The following PIK3R2 variants were observed in gnomAD, a reference collection of about 807,000 sequenced individuals.
The protein encoded by PIK3R2 is phosphoinositide-3-kinase regulatory subunit 2.
A neutral mutation model predicts 78.5 loss-of-function variants in PIK3R2; 40 were observed. The observed-to-expected ratio is 0.51, with a 90% CI of 0.40 to 0.66. PIK3R2 has a LOEUF of 0.66. Ranked by LOEUF, PIK3R2 falls within the 30% of genes least tolerant of loss-of-function variation. PIK3R2 has a pLI of 0.00. For missense variants in PIK3R2, 880 were observed against 1,026.6 expected (o/e 0.86, Z 1.95); for synonymous variants, 473 against 457.7 (o/e 1.03, Z -0.43).
intron 2 of PIK3R2, among the ~76,000 whole-genome samples, chr19:18,157,399 C>G (rs1201067199): frequency 6.6e-6 from 1 of 152,230 alleles, no homozygotes. Flanking sequence ...GCCCCACCCT[C>G]TGAATCTTCC....
chr19:18,160,661 G>A (rs1475081586), intron 3 of PIK3R2, 98 bp downstream of exon 3: 9 of 1,036,552 alleles, frequency 8.7e-6, no homozygotes, highest in African/African-American at 1.6e-5. Context: ...CATGCTGCAC[G>A]GAAACAGGCT....
At chr19:18,164,222 G>T (rs2043783713) in intron 11 of PIK3R2, among the ~76,000 whole-genome samples, 1 of 152,222 alleles carries the variant, frequency 6.6e-6, no homozygotes, top group Admixed American at 6.6e-5. Flanking sequence ...CCTCACAGGA[G>T]TGGCTGAGCC....
Position 18,162,255 on chromosome 19 carries a change from G to A in PIK3R2, c.955G>A (p.Gly319Arg). 2 of 1,611,584 alleles carry A rather than the reference G, an allele frequency of 1.2e-6. No homozygotes were observed. The highest frequency in any genetic ancestry group is 1.7e-6 in the Non-Finnish European group (2 of 1,178,114). The change falls in exon 8 of 16, where the codon GGA becomes AGA. Residue 319 changes from glycine to arginine, a missense_variant. Gly to Arg is a moderately radical substitution (Grantham distance 125). Around this residue, in one of 3 missense-constraint regions of PIK3R2, gnomAD observed 456 missense variants for 486.6 expected, o/e 0.94. Transcript: ENST00000222254. ...AKPASTVLAN[G>R]GSPPSLQDAE... ...GCCGGCCTCCACAGTCCTGGCCAAT[G>A]GAGGGAGCCCACCCTCCCTGCAGGA...
rs528363425 is a variant in PIK3R2 at position 18,157,830 on chromosome 19, C to T, written c.322+1629C>T. ...TCACTCAGGGAGGCCCCGCAGGCCCCGGCTTGCCCCTGCTGTGTGCCAGGG... is the reference window on the plus strand; with the variant it reads ...TCACTCAGGGAGGCCCCGCAGGCCCTGGCTTGCCCCTGCTGTGTGCCAGGG... On this transcript the variant is annotated intron_variant, in intron 2 of 15. Coordinates refer to ENST00000222254, the MANE Select transcript of PIK3R2 (RefSeq NM_005027.4). 4.6e-5 allele frequency among the ~76,000 whole-genome samples: 7 copies of T among 152,170 alleles called. No homozygotes were observed. The South Asian group carries it at 8.3e-4, about 18-fold the overall frequency.
intron 12 of PIK3R2, 118 bp downstream of exon 12, chr19:18,166,420 T>C (rs747176827): frequency 5.9e-6 from 5 of 841,048 alleles, no homozygotes; most frequent in Non-Finnish European, 9.4e-6. Flanking sequence ...TCTGTTGAAA[T>C]GGACTTTGGG....
chr19:18,165,092 A>G (rs1381164803), intron 11 of PIK3R2, among the ~76,000 whole-genome samples: 1 of 150,620 alleles, frequency 6.6e-6, no homozygotes, highest in Non-Finnish European at 1.5e-5. Flanking sequence ...TAGCCGAGCC[A>G]GGCACAATGG....
chr19:18,159,158 T>TTTTTTTTTTTTTTTTTC (rs2043713766), intron 2 of PIK3R2, among the ~76,000 whole-genome samples: 1 of 138,588 alleles, frequency 7.2e-6, no homozygotes, highest in Non-Finnish European at 1.6e-5. Context: ...TTTTTTTTTT[T>TTTTTTTTTTTTTTTTTC]TTTTTAAATT....
rs2147951401 is a variant in PIK3R2, at chr19:18,161,945, C to T, written c.816-21C>T. 1 of 1,610,006 alleles carries T rather than the reference C, an allele frequency of 6.2e-7. No individual in the cohort carries two copies. Among genetic ancestry groups the T allele is most frequent in the Non-Finnish European group, 8.5e-7 (1 of 1,176,450 alleles). ...CGGACAGGCCCTACCCAGCCCTCAC[C>T]ACACTCCCCTTCCCCCTAAGGAGTG... On this transcript the variant is annotated intron_variant, in intron 6 of 15. Coordinates refer to ENST00000222254, the MANE Select transcript of PIK3R2 (RefSeq NM_005027.4). The surrounding 1 kb of genome is among the most constrained non-coding windows in gnomAD (Gnocchi z 5.3).
At chr19:18,162,843 T>A (rs1235492198) in intron 9 of PIK3R2, 124 bp from the exon 10 acceptor site, 1 of 839,288 alleles carries the variant, frequency 1.2e-6, no homozygotes, top group African/African-American at 1.7e-5. Flanking sequence ...TGAGCCGAAA[T>A]CGCACCACTG....
intron 12 of PIK3R2, 28 bp downstream of exon 12, chr19:18,166,330 A>C: frequency 6.3e-7 from 1 of 1,597,648 alleles, no homozygotes; most frequent in Non-Finnish European, 8.6e-7. Flanking sequence ...GCCCTGCCCC[A>C]CCCCACCCTG....
At chr19:18,164,639 TG>T (rs1263104537) in intron 11 of PIK3R2, among the ~76,000 whole-genome samples, 1 of 129,330 alleles carries the variant, frequency 7.7e-6, no homozygotes, top group South Asian at 2.3e-4. Context: ...TTTTTTGTTT[TG>T]TTTTTTTTTT....
At position 18,163,345 on chromosome 19, in the gene PIK3R2, G is replaced by T. The variant is rs148515229; in HGVS notation, c.1373G>T (p.Arg458Leu). 1.9e-6 allele frequency: 3 copies of T among 1,614,064 alleles called. No homozygotes were observed. Among genetic ancestry groups the T allele is most frequent in the Non-Finnish European group, 2.5e-6 (3 of 1,180,008 alleles). Residue 458 changes from arginine to leucine, a missense_variant, in exon 11 of 16, where the codon CGC (arginine) becomes CTC (leucine). Transcript: ENST00000222254. ...VYHQQYQDKS[R>L]EYDQLYEEYT... The stretch of plus-strand genomic sequence containing the variant: ...CACCAGCAGTACCAGGACAAGAGCC[G>T]CGAGTATGACCAGCTTTATGAAGAG...
intron 15 of PIK3R2, 82 bp from the exon 16 acceptor site, chr19:18,169,005 C>G: frequency 6.4e-7 from 1 of 1,559,158 alleles, no homozygotes; most frequent in Non-Finnish European, 8.8e-7. Flanking sequence ...TCATCCGGGA[C>G]AGGGGAGCAC....
intron 11 of PIK3R2, among the ~76,000 whole-genome samples, chr19:18,165,763 T>A (rs2043803652): frequency 6.6e-6 from 1 of 152,198 alleles, no homozygotes; most frequent in Admixed American, 6.5e-5. Flanking sequence ...GAATTGACTT[T>A]GGCCCTGAGC....
chr19:18,158,904 G>A (rs940518946), intron 2 of PIK3R2, among the ~76,000 whole-genome samples: 2 of 151,940 alleles, frequency 1.3e-5, no homozygotes, highest in East Asian at 1.9e-4. Context: ...GTGCAATGGC[G>A]CAATCTTGGC....
intron 11 of PIK3R2, among the ~76,000 whole-genome samples, chr19:18,165,085 C>T (rs1366159216): frequency 6.6e-6 from 1 of 150,492 alleles, no homozygotes; most frequent in Non-Finnish European, 1.5e-5. Flanking sequence ...AAAAAATTAG[C>T]CGAGCCAGGC....
rs1425339862 is a variant in PIK3R2, at chr19:18,162,298, G to A, written c.998G>A (p.Gly333Glu). The A allele has an allele frequency of 6.2e-7, 1 of 1,608,040 alleles. No homozygotes were observed. The highest frequency in any genetic ancestry group is 8.5e-7 in the Non-Finnish European group (1 of 1,175,294). The change falls in exon 8 of 16, where the codon GGG becomes GAG. Residue 333 changes from glycine (G) to glutamate (E), a missense_variant. By Grantham distance (98) the Gly-to-Glu change is moderately conservative (BLOSUM62 -2). Coordinates refer to ENST00000222254, the MANE Select transcript of PIK3R2 (RefSeq NM_005027.4). Reference protein sequence around the residue: ...PSLQDAEWYWGDISREEVNEK... With the variant: ...PSLQDAEWYWEDISREEVNEK... ...CTGCAGGATGCTGAGTGGTACTGGG[G>A]GGACATTTCAAGGTAGGTTGCTGGC... is the stretch of plus-strand genomic sequence containing the variant.
intron 1 of PIK3R2, among the ~76,000 whole-genome samples, chr19:18,153,874 C>T (rs955537429): frequency 6.6e-6 from 1 of 152,188 alleles, no homozygotes; most frequent in Non-Finnish European, 1.5e-5. Context: ...CATCCCCTCT[C>T]GGGGCCTCAG....
rs2043819727 is a variant in PIK3R2, at chr19:18,167,328, C to A, written c.1736+22C>A. ...TCGTGTAAGTGGCGGCTCCATACTT[C>A]CCTGCGGCTCCCTGGCGACTGCTGC... On this transcript the variant is annotated intron_variant, in intron 13 of 15. Transcript: ENST00000222254. This position sits in a 1 kb window ranked among gnomAD's most constrained non-coding sequence, Gnocchi z 4.5. 2 of 1,527,574 alleles carry A rather than the reference C, an allele frequency of 1.3e-6. No individual in the cohort carries two copies. The highest frequency in any genetic ancestry group is 1.8e-6 in the Non-Finnish European group (2 of 1,133,070). 94.6% of individuals were successfully genotyped at this position (1,527,574 alleles called of 1,614,324 possible).
Sources: gnomAD v4.1 joint callset for allele counts (sites outside exome capture counted in the v4.1 genomes callset) on GRCh38, gnomAD v4.1.1 for gene constraint, gnomAD v4.1.1 regional missense constraint, Gnocchi (gnomAD v3.1) non-coding constraint, MANE v1.5 for transcripts, NCBI Gene and HGNC (gene_info 2026-07-23, HGNC 2026-07-21) for gene names.